SMARCD1: variants seen among roughly 807,000 people sequenced by gnomAD.
The protein encoded by SMARCD1 is SWI/SNF related BAF chromatin remodeling complex subunit D1.
SMARCD1 carries 16 observed loss-of-function variants against 70.8 expected under a neutral mutation model. The observed-to-expected ratio is 0.23, with a 90% CI of 0.15 to 0.34. SMARCD1 has a LOEUF of 0.34. Among genes scored for constraint, SMARCD1 ranks in the 10% least tolerant of loss-of-function variants. The probability of loss-of-function intolerance (pLI) is 1.00; values close to 1 mark genes in which losing one functional copy is unlikely to be tolerated. For missense variants in SMARCD1, 409 were observed against 655.5 expected, an observed-to-expected ratio of 0.62 and a Z score of 4.11; for synonymous variants, 249 against 246.0, an observed-to-expected ratio of 1.01 and a Z score of -0.11.
At chr12:50,098,612 C>T (rs935061685) in intron 11 of SMARCD1, 102 bp from the exon 12 acceptor site, 2 of 918,644 alleles carry the variant, frequency 2.2e-6, no homozygotes, top group Admixed American at 2.1e-5. Context: ...TAGACTTCAA[C>T]ATTTTGGGGA....
In SMARCD1 at chr12:50,087,331, C is replaced by T. The variant is rs777365763; in HGVS notation, c.532-32C>T. On this transcript the variant is annotated intron_variant, in intron 4 of 12. Transcript: ENST00000394963. ...GTCTTCAACATCAGACCACTGAAGC[C>T]CCACGATCAATCCTGTTTCTGCCTT... The T allele has an allele frequency of 9.3e-6, 15 of 1,609,866 alleles. No homozygotes were observed. The Middle Eastern group carries it at 4.9e-4, about 53-fold the overall frequency.
intron 11 of SMARCD1, among the ~76,000 whole-genome samples, chr12:50,097,358 C>T (rs836173): frequency 0.32 from 48,367 of 151,702 alleles, 9,070 homozygotes; most frequent in Middle Eastern, 0.45. Context: ...TGAGACCAGC[C>T]TGGCCAACAT....
intron 9 of SMARCD1, among the ~76,000 whole-genome samples, chr12:50,091,572 G>A (rs1258015557): frequency 1.3e-5 from 2 of 151,872 alleles, no homozygotes; most frequent in African/African-American, 4.8e-5. Flanking sequence ...ACCGCGCCCG[G>A]CCTTTTGTTT....
chr12:50,096,756 T>C, intron 10 of SMARCD1, 94 bp from the exon 11 acceptor site: 1 of 1,184,208 alleles, frequency 8.4e-7, no homozygotes, highest in South Asian at 1.4e-5. Flanking sequence ...GTGACTAGGT[T>C]GGAAGTGGCA....
Position 50,089,963 on chromosome 12 carries a change from T to C in SMARCD1, c.851T>C (p.Val284Ala). 6.2e-7 allele frequency: 1 copy of C among 1,614,032 alleles called. No homozygotes were observed. Among genetic ancestry groups the C allele is most frequent in the Non-Finnish European group, 8.5e-7 (1 of 1,179,898 alleles). The change falls in exon 7 of 13, where the codon GTC becomes GCC. Residue 284 changes from valine to alanine, a missense_variant. Val to Ala is a moderately conservative substitution (Grantham distance 64). Around this residue, in one of 2 missense-constraint regions of SMARCD1, gnomAD observed 269 missense variants for 498.6 expected, o/e 0.54. Coordinates refer to ENST00000394963, the MANE Select transcript of SMARCD1 (RefSeq NM_003076.5). Reference protein sequence around the residue: ...RPGDVNVRCTVLLMLDYQPPQ... With the variant: ...RPGDVNVRCTALLMLDYQPPQ... ...GGAGACGTGAATGTACGGTGTACTG[T>C]CCTACTGATGCTGGATTACCAGGTA...
At chr12:50,091,017 G>C (rs552852155) in intron 9 of SMARCD1, among the ~76,000 whole-genome samples, 38 of 151,560 alleles carry the variant, frequency 2.5e-4, no homozygotes, top group Non-Finnish European at 4.7e-4. Flanking sequence ...GTAGAGATGG[G>C]GTTTCACCAT....
intron 10 of SMARCD1, among the ~76,000 whole-genome samples, chr12:50,095,778 A>G (rs1408936397): frequency 1.3e-5 from 2 of 152,252 alleles, no homozygotes; most frequent in Admixed American, 6.5e-5. Flanking sequence ...GTCTTAAAGA[A>G]GTACGAGCCA....
chr12:50,092,235 C>CTTTCTT (rs1950851022), intron 9 of SMARCD1, among the ~76,000 whole-genome samples: 1 of 91,158 alleles, frequency 1.1e-5, no homozygotes, highest in Non-Finnish European at 2.0e-5. Flanking sequence ...TTCTTTCTTT[C>CTTTCTT]TTTTTTTTTT....
intron 11 of SMARCD1, among the ~76,000 whole-genome samples, chr12:50,097,209 A>G (rs1158940331): frequency 6.6e-6 from 1 of 152,208 alleles, no homozygotes; most frequent in Non-Finnish European, 1.5e-5. Flanking sequence ...TACAGAGTGG[A>G]AGACCTGATC....
intron 12 of SMARCD1, 52 bp downstream of exon 12, chr12:50,098,867 C>G: frequency 6.2e-7 from 1 of 1,603,028 alleles, no homozygotes; most frequent in African/African-American, 1.3e-5. Context: ...GGGGTTTTCA[C>G]CCCTGATGGG....
rs769168116 is a variant in SMARCD1, at chr12:50,086,747, G to C, written c.409-9G>C. On this transcript the variant is annotated splice_polypyrimidine_tract_variant and intron_variant, in intron 3 of 12. Coordinates refer to ENST00000394963, the MANE Select transcript of SMARCD1 (RefSeq NM_003076.5). ...ATCCTAGATTTCAATTAATTTTTCTGTTCCTAAGATTCGTGAACTGGTACC... is the reference window on the plus strand; with the variant it reads ...ATCCTAGATTTCAATTAATTTTTCTCTTCCTAAGATTCGTGAACTGGTACC... 3.7e-6 allele frequency: 6 copies of C among 1,613,958 alleles called. No individual in the cohort carries two copies. The South Asian group carries it at 6.6e-5, about 18-fold the overall frequency.
intron 9 of SMARCD1, among the ~76,000 whole-genome samples, chr12:50,093,506 CAG>C (rs1315295867): frequency 2.6e-5 from 4 of 152,038 alleles, no homozygotes; most frequent in East Asian, 3.9e-4. Flanking sequence ...TTTTTTGAGA[CAG>C]AGTCTCTCTC....
chr12:50,089,612 C>G (rs937635086), intron 6 of SMARCD1, among the ~76,000 whole-genome samples: 5 of 152,236 alleles, frequency 3.3e-5, no homozygotes, highest in African/African-American at 1.2e-4. Flanking sequence ...AGCTATGTTA[C>G]TGTTCACATG....
rs373328722 is a variant in SMARCD1 at position 50,090,585 on chromosome 12, C to A, written c.1128C>A (p.Val376=). The change falls in exon 9 of 13, where the codon GTC becomes GTA. Residue 376 remains valine (V), a synonymous_variant. Transcript: ENST00000394963. ...CAGAACCTATCATCATTAATCATGT[C>A]ATCAGGTAGGCCTGTGTGTGGGAGG... is the stretch of plus-strand genomic sequence containing the variant. The part of the protein sequence containing the change: ...MPPEPIIINH[V]ISVDPNDQKK... The A allele has an allele frequency of 3.3e-5, 53 of 1,611,544 alleles. No individual in the cohort carries two copies. Among genetic ancestry groups the A allele is most frequent in the Non-Finnish European group, 4.2e-5 (50 of 1,177,820 alleles).
intron 6 of SMARCD1, among the ~76,000 whole-genome samples, 178 bp from the exon 7 acceptor site, chr12:50,089,706 A>T (rs900338321): frequency 2.1e-4 from 32 of 152,360 alleles, no homozygotes; most frequent in African/African-American, 7.2e-4. Flanking sequence ...AGGTTAATCT[A>T]CTTATACACA....
chr12:50,092,293 G>A (rs1301308859), intron 9 of SMARCD1, among the ~76,000 whole-genome samples: 1 of 117,492 alleles, frequency 8.5e-6, no homozygotes, highest in Admixed American at 1.2e-4. Flanking sequence ...GCACAATCTC[G>A]GCTCACTGCA....
chr12:50,093,910 G>A (rs1329131480), intron 9 of SMARCD1, among the ~76,000 whole-genome samples: 2 of 152,168 alleles, frequency 1.3e-5, no homozygotes, highest in East Asian at 3.9e-4. Context: ...TTCCCCAGTA[G>A]CTGGGATTAC....
In SMARCD1 at chr12:50,090,401, A is replaced by G; in HGVS notation, c.1034A>G (p.Gln345Arg). The G allele has an allele frequency of 1.9e-6, 3 of 1,614,060 alleles. No homozygotes were observed. Among genetic ancestry groups the G allele is most frequent in the Non-Finnish European group, 1.7e-6 (2 of 1,179,954 alleles). The stretch of plus-strand genomic sequence containing the variant: ...GTCATCTGTGACAAGTACCTGCAGC[A>G]GGTAAGTAATGGACCCATTCTTTTG... ...EFVICDKYLQ[Q>R]IFESQRMKFS... The change falls in exon 8 of 13, where the codon CAG becomes CGG. Residue 345 changes from glutamine (Q) to arginine (R), a missense_variant and splice_region_variant. Transcript: ENST00000394963.
chr12:50,085,580 G>A, intron 1 of SMARCD1, 34 bp downstream of exon 1: 2 of 1,225,220 alleles, frequency 1.6e-6, no homozygotes, highest in Non-Finnish European at 2.0e-6. Flanking sequence ...GCGCGGGCCG[G>A]GGGCGGGGCC....
Sources: gnomAD v4.1 joint callset for allele counts (sites outside exome capture counted in the v4.1 genomes callset) on GRCh38, gnomAD v4.1.1 for gene constraint, gnomAD v4.1.1 regional missense constraint, MANE v1.5 for transcripts, NCBI Gene and HGNC (gene_info 2026-07-23, HGNC 2026-07-21) for gene names.